The following ADAMTSL1 variants were observed in gnomAD, a reference collection of about 807,000 sequenced individuals.
The protein encoded by ADAMTSL1 is ADAMTS-like protein 1.
Under a neutral mutation model 201.8 loss-of-function variants are expected in ADAMTSL1, and 126 were observed. That is an observed-to-expected ratio of 0.62 (90% CI 0.54 to 0.72). The LOEUF (loss-of-function observed/expected upper bound fraction) is 0.72, where lower values mean the gene tolerates loss of function less well. Among genes scored for constraint, ADAMTSL1 ranks in the 30% least tolerant of loss-of-function variants. The pLI, the probability that ADAMTSL1 is intolerant of heterozygous loss-of-function variation, is 0.00. For missense variants in ADAMTSL1, 2,679 were observed against 2,277.8 expected (o/e 1.18, Z -3.59); for synonymous variants, 1,121 against 903.4 (o/e 1.24, Z -4.32).
chr9:18,895,683 C>A (rs1323381490), intron 26 of ADAMTSL1, among the ~76,000 whole-genome samples: 1 of 152,092 alleles, frequency 6.6e-6, no homozygotes, highest in African/African-American at 2.4e-5. Context: ...TCTGAGAAGA[C>A]CTTACGCTTT....
At chr9:18,223,226 C>G (rs137978262) in intron 2 of ADAMTSL1, among the ~76,000 whole-genome samples, 2,423 of 152,112 alleles carry the variant, frequency 0.016, 36 homozygotes, top group Non-Finnish European at 0.025. Context: ...TGAGCACGAA[C>G]ATGATACTCA....
At chr9:18,303,367 A>G (rs1297863591) in intron 2 of ADAMTSL1, among the ~76,000 whole-genome samples, 1 of 152,212 alleles carries the variant, frequency 6.6e-6, no homozygotes, top group East Asian at 1.9e-4. Flanking sequence ...AGCCTCAGCC[A>G]GAGAATGAGA....
chr9:18,279,997 A>G (rs1241674121), intron 2 of ADAMTSL1, among the ~76,000 whole-genome samples: 1 of 152,158 alleles, frequency 6.6e-6, no homozygotes, highest in Non-Finnish European at 1.5e-5. Flanking sequence ...ACCTTGTTCC[A>G]TGGGGCCTGA....
At chr9:18,778,001 G>A (rs1821163931) in intron 19 of ADAMTSL1, 95 bp downstream of exon 19, 2 of 1,471,018 alleles carry the variant, frequency 1.4e-6, no homozygotes, top group Non-Finnish European at 1.8e-6. Context: ...GTGTTTCCAG[G>A]GGTAGGGCTT....
intron 23 of ADAMTSL1, among the ~76,000 whole-genome samples, chr9:18,830,660 C>G (rs943673707): frequency 2.6e-4 from 40 of 151,988 alleles, no homozygotes; most frequent in South Asian, 1.2e-3. Context: ...GCCGGAAAAA[C>G]CTTCACACAT....
intron 23 of ADAMTSL1, among the ~76,000 whole-genome samples, chr9:18,856,851 T>G (rs1826885173): frequency 6.6e-6 from 1 of 152,148 alleles, no homozygotes; most frequent in South Asian, 2.1e-4. Context: ...TGGTATTTAA[T>G]GGATAGACAA....
intron 1 of ADAMTSL1, among the ~76,000 whole-genome samples, chr9:17,987,026 A>G (rs540510129): frequency 1.3e-5 from 2 of 152,290 alleles, no homozygotes; most frequent in African/African-American, 4.8e-5. Flanking sequence ...TTAGGGGAAG[A>G]GTTCCCACTA....
At chr9:18,661,672 G>A (rs1300248289) in intron 8 of ADAMTSL1, among the ~76,000 whole-genome samples, 1 of 152,098 alleles carries the variant, frequency 6.6e-6, no homozygotes, top group Non-Finnish European at 1.5e-5. Context: ...TCTTACCAGA[G>A]TCTTATTATC....
intron 3 of ADAMTSL1, among the ~76,000 whole-genome samples, chr9:18,540,456 T>G (rs747309403): frequency 6.6e-6 from 1 of 152,176 alleles, no homozygotes; most frequent in Non-Finnish European, 1.5e-5. Context: ...CTCTCTGAGT[T>G]GACATTTAAA....
chr9:18,024,943 C>A (rs1038365305), intron 1 of ADAMTSL1, among the ~76,000 whole-genome samples: 13 of 151,934 alleles, frequency 8.6e-5, no homozygotes, highest in African/African-American at 2.9e-4. Context: ...TCTTTGATTT[C>A]TTAACAATAG....
intron 2 of ADAMTSL1, among the ~76,000 whole-genome samples, chr9:18,238,567 G>A (rs1262062801): frequency 6.6e-6 from 1 of 152,056 alleles, no homozygotes; most frequent in African/African-American, 2.4e-5. Context: ...GGAATGTTAG[G>A]TGAGATGAGT....
intron 26 of ADAMTSL1, among the ~76,000 whole-genome samples, chr9:18,892,890 C>T (rs1490096738): frequency 1.3e-5 from 2 of 152,066 alleles, no homozygotes; most frequent in Non-Finnish European, 2.9e-5. Flanking sequence ...CCTCCACTCC[C>T]ACCCCCAGGT....
At chr9:18,185,988 A>T in intron 2 of ADAMTSL1, among the ~76,000 whole-genome samples, 1 of 152,336 alleles carries the variant, frequency 6.6e-6, no homozygotes, top group South Asian at 2.1e-4. Context: ...ATGGTCAAAG[A>T]ATTACATATC....
intron 20 of ADAMTSL1, among the ~76,000 whole-genome samples, chr9:18,803,879 A>G (rs1465630851): frequency 1.3e-5 from 2 of 152,162 alleles, no homozygotes; most frequent in Non-Finnish European, 2.9e-5. Flanking sequence ...GGTAATCACA[A>G]TTTATTTGAT....
intron 1 of ADAMTSL1, among the ~76,000 whole-genome samples, chr9:17,951,506 G>T (rs1388244790): frequency 6.6e-6 from 1 of 152,052 alleles, no homozygotes; most frequent in African/African-American, 2.4e-5. Context: ...GTTTTAAATT[G>T]TATCACAGCA....
Position 18,423,227 on chromosome 9 carries a change from G to A in ADAMTSL1, c.208-81602G>A, listed in dbSNP as rs145158570. 1.5e-4 allele frequency among the ~76,000 whole-genome samples: 23 copies of A among 152,186 alleles called. No individual in the cohort carries two copies. The East Asian group carries it at 4.3e-3, about 28-fold the overall frequency. ...AATTACTTTCTGGACAATTTAAACT[G>A]GATTTTCCTTCTGTATATGTTTTTA... On this transcript the variant is annotated intron_variant, in intron 2 of 29. Transcript: ENST00000680146.
chr9:18,051,131 C>G (rs757914726), intron 1 of ADAMTSL1, among the ~76,000 whole-genome samples: 10 of 152,126 alleles, frequency 6.6e-5, no homozygotes, highest in Non-Finnish European at 8.8e-5. Context: ...GAAACCCCAT[C>G]TCTACTAAAA....
At chr9:18,053,701 A>C (rs1458662852) in intron 1 of ADAMTSL1, among the ~76,000 whole-genome samples, 2 of 152,170 alleles carry the variant, frequency 1.3e-5, no homozygotes, top group African/African-American at 4.8e-5. Context: ...TCATATATTA[A>C]TTCTTTGAAT....
chr9:18,429,051 C>A (rs1361389350), intron 2 of ADAMTSL1, among the ~76,000 whole-genome samples: 5 of 152,180 alleles, frequency 3.3e-5, no homozygotes, highest in Non-Finnish European at 7.3e-5. Context: ...TGAATTATAG[C>A]ATTTTTACAA....
Sources: gnomAD v4.1 joint callset for allele counts (sites outside exome capture counted in the v4.1 genomes callset) on GRCh38, gnomAD v4.1.1 for gene constraint, MANE v1.5 for transcripts, NCBI Gene and HGNC (gene_info 2026-07-23, HGNC 2026-07-21) for gene names.